Variants in INTS9 observed in about 807,000 individuals in gnomAD.
The protein encoded by INTS9 is protein related to CPSF subunits of 74 kDa.
Under a neutral mutation model 79.7 loss-of-function variants are expected in INTS9, and 55 were observed. The observed-to-expected ratio is 0.69, with a 90% CI of 0.56 to 0.86. The LOEUF is 0.86. Ranked by LOEUF, INTS9 falls within the 40% of genes least tolerant of loss-of-function variation. The pLI is 0.00. For synonymous variants in INTS9, 319 were observed against 325.2 expected (o/e 0.98, Z 0.20); for missense variants, 721 against 831.5 (o/e 0.87, Z 1.64).
intron 6 of INTS9, among the ~76,000 whole-genome samples, chr8:28,816,250 C>T (rs547963876): frequency 1.3e-5 from 2 of 150,754 alleles, no homozygotes; most frequent in Admixed American, 6.6e-5. Flanking sequence ...TGTGCTGCAC[C>T]CATTAACTCG....
intron 6 of INTS9, among the ~76,000 whole-genome samples, chr8:28,828,029 C>T (rs1311852176): frequency 1.3e-5 from 2 of 152,308 alleles, no homozygotes; most frequent in African/African-American, 2.4e-5. Flanking sequence ...TGACCAGAAT[C>T]GCAAAGCCCA....
chr8:28,787,947 GC>G, intron 10 of INTS9, 58 bp from the exon 11 acceptor site: 2 of 1,194,758 alleles, frequency 1.7e-6, no homozygotes, highest in Non-Finnish European at 2.4e-6. Context: ...GGCATCTGTT[GC>G]CACCTAGTGG....
At chr8:28,796,899 T>C (rs1039799978) in intron 8 of INTS9, 9 of 401,490 alleles carry the variant, frequency 2.2e-5, no homozygotes, top group African/African-American at 1.4e-4. Context: ...ACTGGGGCAC[T>C]GATTATATCA....
intron 6 of INTS9, among the ~76,000 whole-genome samples, chr8:28,831,122 T>C (rs1806460457): frequency 6.6e-6 from 1 of 152,198 alleles, no homozygotes. Context: ...TGGAATACTA[T>C]GCAGCCATAA....
Position 28,777,825 on chromosome 8 carries a change from T to C in INTS9, c.1395+4A>G, listed in dbSNP as rs1370729622. The C allele has an allele frequency of 1.2e-6, 2 of 1,602,012 alleles. No individual in the cohort carries two copies. The highest frequency in any genetic ancestry group is 2.7e-5 in the African/African-American group (2 of 74,178). On this transcript the variant is annotated splice_donor_region_variant and intron_variant, in intron 13 of 16. Coordinates refer to ENST00000521022, the MANE Select transcript of INTS9 (RefSeq NM_018250.4). ...GTGAAGGCACAAGCAGTGTCCTTCA[T>C]TACCTGCACTTCTTTAAGCAGCTTT...
At position 28,835,363 on chromosome 8, in the gene INTS9, C is replaced by G; in HGVS notation, c.417G>C (p.Glu139Asp). The G allele has an allele frequency of 6.2e-7, 1 of 1,613,532 alleles. No individual in the cohort carries two copies. Among genetic ancestry groups the G allele is most frequent in the Non-Finnish European group, 8.5e-7 (1 of 1,179,610 alleles). The change falls in exon 6 of 17, where the codon GAG becomes GAC. Residue 139 changes from glutamate (E) to aspartate (D), a missense_variant. By Grantham distance (45) the Glu-to-Asp change is conservative. Transcript: ENST00000521022. The part of the protein sequence containing the change: ...TVQIGRLLME[E>D]LVNFIERVPK... ...GCACTCTTTCAATGAAATTCACCAG[C>G]TCTTCCATGAGAAGCCTGAGTTTAA...
At chr8:28,811,490 C>T (rs1168424506) in intron 8 of INTS9, among the ~76,000 whole-genome samples, 1 of 151,610 alleles carries the variant, frequency 6.6e-6, no homozygotes, top group Non-Finnish European at 1.5e-5. Flanking sequence ...GGCGCAATCT[C>T]GGCTGACTGC....
At chr8:28,797,872 A>C (rs905499084) in intron 8 of INTS9, among the ~76,000 whole-genome samples, 2 of 152,240 alleles carry the variant, frequency 1.3e-5, no homozygotes, top group Non-Finnish European at 2.9e-5. Context: ...AAAATTCCAA[A>C]TAATAGCAAA....
At chr8:28,815,228 T>C (rs1238143698) in intron 6 of INTS9, among the ~76,000 whole-genome samples, 2 of 152,082 alleles carry the variant, frequency 1.3e-5, no homozygotes, top group African/African-American at 4.8e-5. Context: ...AAAGAGCTGT[T>C]ACAAATTAGA....
rs765917957 is a variant in INTS9 at position 28,775,820 on chromosome 8, C to T, written c.1502G>A (p.Arg501Gln). The T allele has an allele frequency of 5.6e-6, 9 of 1,613,954 alleles. No homozygotes were observed. The highest frequency in any genetic ancestry group is 4.0e-5 in the African/African-American group (3 of 74,906). The stretch of plus-strand genomic sequence containing the variant: ...GAAGGGCAGGGCGAGAACCTCAGCC[C>T]GCCGATAGGACATGGCGGGGGGCTG... ...DCQPPAMSYR[R>Q]AEVLALPFKR... Residue 501 changes from arginine (R) to glutamine (Q), a missense_variant, in exon 14 of 17, where the codon CGG becomes CAG. Physicochemically the swap from Arg to Gln is conservative, Grantham distance 43. Transcript: ENST00000521022.
intron 4 of INTS9, among the ~76,000 whole-genome samples, chr8:28,844,187 CTTTT>C (rs149092543): frequency 0.032 from 4,930 of 152,258 alleles, 274 homozygotes; most frequent in African/African-American, 0.11. Flanking sequence ...GTTTACGTTT[CTTTT>C]GAGTGCAAAT....
At chr8:28,882,679 A>T (rs1809961136) in intron 1 of INTS9, among the ~76,000 whole-genome samples, 1 of 152,096 alleles carries the variant, frequency 6.6e-6, no homozygotes, top group African/African-American at 2.4e-5. Context: ...AACATCAGTG[A>T]TGAGAAATAA....
At chr8:28,850,514 T>A (rs1322031203) in intron 2 of INTS9, among the ~76,000 whole-genome samples, 1 of 151,972 alleles carries the variant, frequency 6.6e-6, no homozygotes, top group Non-Finnish European at 1.5e-5. Context: ...ACTAAAAGAA[T>A]CCTATGCAAA....
At chr8:28,870,422 A>G (rs1809025724) in intron 1 of INTS9, among the ~76,000 whole-genome samples, 1 of 148,384 alleles carries the variant, frequency 6.7e-6, no homozygotes, top group Admixed American at 6.8e-5. Context: ...GTTTTTAAGG[A>G]CAATATAATT....
chr8:28,768,693 C>T (rs988102087), intron 16 of INTS9, among the ~76,000 whole-genome samples: 2 of 152,230 alleles, frequency 1.3e-5, no homozygotes, highest in Non-Finnish European at 2.9e-5. Flanking sequence ...CAGGTGACAC[C>T]AAGATACCCC....
rs139346049 is a variant in INTS9, at chr8:28,813,022, G to A, written c.609+470C>T. 2.5e-3 allele frequency among the ~76,000 whole-genome samples: 379 copies of A among 152,300 alleles called. 1 individual carries two copies. Among genetic ancestry groups the A allele is most frequent in the African/African-American group, 8.7e-3 (362 of 41,562 alleles). On this transcript the variant is annotated intron_variant, in intron 7 of 16. Transcript: ENST00000521022. Reference sequence around the variant, plus strand: ...GGTTCACACATTAAAAGGGAGAGATGAAATATTACCAAACAGACCAAAGAC... The same window carrying A: ...GGTTCACACATTAAAAGGGAGAGATAAAATATTACCAAACAGACCAAAGAC...
chr8:28,796,342 TC>T (rs1804215732), intron 9 of INTS9, among the ~76,000 whole-genome samples: 1 of 152,200 alleles, frequency 6.6e-6, no homozygotes, highest in South Asian at 2.1e-4. Flanking sequence ...TACATATCTA[TC>T]TGTTCACTGT....
chr8:28,769,891 T>G lies in INTS9; in HGVS notation c.1798A>C (p.Lys600Gln). 3.1e-6 allele frequency: 5 copies of G among 1,613,926 alleles called. No individual in the cohort carries two copies. Among genetic ancestry groups the G allele is most frequent in the Non-Finnish European group, 4.2e-6 (5 of 1,179,910 alleles). Reference sequence around the variant, plus strand: ...CGGCACCAGCGAAACCAGCTCACCTTCTCCAGGGTCTGCACGAACTGCTCC... The same window carrying G: ...CGGCACCAGCGAAACCAGCTCACCTGCTCCAGGGTCTGCACGAACTGCTCC... ...PVEQFVQTLE[K>Q]HGFSDIKVED... The change falls in exon 16 of 17, where the codon AAG becomes CAG. Residue 600 changes from lysine (K) to glutamine (Q), a missense_variant and splice_region_variant. This residue lies in a region of INTS9 where 281 missense variants were observed against 300.8 expected (regional missense o/e 0.93). Transcript: ENST00000521022.
intron 9 of INTS9, among the ~76,000 whole-genome samples, chr8:28,796,287 G>C (rs1449701168): frequency 6.6e-6 from 1 of 152,194 alleles, no homozygotes; most frequent in Non-Finnish European, 1.5e-5. Flanking sequence ...TCAAGCCTGG[G>C]TGACAGAGAA....
Sources: gnomAD v4.1 joint callset for allele counts (sites outside exome capture counted in the v4.1 genomes callset) on GRCh38, gnomAD v4.1.1 for gene constraint, gnomAD v4.1.1 regional missense constraint, MANE v1.5 for transcripts, NCBI Gene and HGNC (gene_info 2026-07-23, HGNC 2026-07-21) for gene names.